DNAH9: variants seen among roughly 807,000 people sequenced by gnomAD.
DNAH9 encodes the protein dynein axonemal heavy chain 9.
A neutral mutation model predicts 471.6 loss-of-function variants in DNAH9; 345 were observed. The observed-to-expected ratio is 0.73, with a 90% CI of 0.67 to 0.80. DNAH9 has a LOEUF of 0.80. Among genes scored for constraint, DNAH9 ranks in the 30% least tolerant of loss-of-function variants. The pLI is 0.00. For missense variants in DNAH9, 5,407 were observed against 5,609.2 expected (o/e 0.96, Z 1.15); for synonymous variants, 2,093 against 2,123.6 (o/e 0.99, Z 0.40).
At chr17:11,803,197 T>C (rs765098243) in intron 43 of DNAH9, among the ~76,000 whole-genome samples, 3 of 152,242 alleles carry the variant, frequency 2.0e-5, no homozygotes, top group Non-Finnish European at 4.4e-5. Flanking sequence ...TTCTTCAAGC[T>C]TTAAACCAGA....
intron 50 of DNAH9, among the ~76,000 whole-genome samples, chr17:11,868,015 C>G (rs915558264): frequency 1.3e-5 from 2 of 152,194 alleles, no homozygotes; most frequent in African/African-American, 2.4e-5. Flanking sequence ...TGAACAACAG[C>G]TAACTCTAAG....
At chr17:11,740,040 T>C (rs1241966005) in intron 29 of DNAH9, among the ~76,000 whole-genome samples, 1 of 152,190 alleles carries the variant, frequency 6.6e-6, no homozygotes, top group Non-Finnish European at 1.5e-5. Flanking sequence ...CAAATTCCCG[T>C]GTCGCTGGGG....
chr17:11,743,425 T>TGC, intron 30 of DNAH9, among the ~76,000 whole-genome samples: 1 of 152,350 alleles, frequency 6.6e-6, no homozygotes, highest in Non-Finnish European at 1.5e-5. Context: ...TCTCTTCTAA[T>TGC]TCCTCAGATC....
At chr17:11,729,156 G>A (rs1275427013) in intron 28 of DNAH9, among the ~76,000 whole-genome samples, 1 of 152,150 alleles carries the variant, frequency 6.6e-6, no homozygotes, top group East Asian at 1.9e-4. Context: ...GAAAACTGGT[G>A]GCTGAGGGCA....
At chr17:11,919,950 A>C (rs1214520081) in intron 61 of DNAH9, among the ~76,000 whole-genome samples, 1 of 152,196 alleles carries the variant, frequency 6.6e-6, no homozygotes, top group Non-Finnish European at 1.5e-5. Context: ...CATGTTTCAG[A>C]CACAGGACAG....
chr17:11,767,284 T>C (rs1967992513), intron 36 of DNAH9, among the ~76,000 whole-genome samples: 1 of 152,170 alleles, frequency 6.6e-6, no homozygotes, highest in Admixed American at 6.5e-5. Context: ...AAGCGTATTA[T>C]CTAGGAGTTA....
intron 41 of DNAH9, among the ~76,000 whole-genome samples, chr17:11,787,421 G>C (rs151230839): frequency 6.6e-6 from 1 of 152,296 alleles, no homozygotes; most frequent in African/African-American, 2.4e-5. Context: ...AGCACATCAG[G>C]AGGCAGCTTT....
intron 59 of DNAH9, among the ~76,000 whole-genome samples, chr17:11,896,330 C>A (rs2151007931): frequency 6.6e-6 from 1 of 152,238 alleles, no homozygotes; most frequent in South Asian, 2.1e-4. Flanking sequence ...CTTTGTAGGC[C>A]AGACTCTGTA....
chr17:11,719,424 G>T lies in DNAH9; in HGVS notation c.5643G>T (p.Lys1881Asn). Residue 1881 changes from lysine to asparagine, a missense_variant, in exon 27 of 69, where the codon AAG (lysine) becomes AAT (asparagine). Lys to Asn is a moderately conservative substitution (Grantham distance 94). Transcript: ENST00000262442. The stretch of plus-strand genomic sequence containing the variant: ...GCACAGGCAAGACCGAGACCACCAA[G>T]GACCTGGGCCGCGCACTGGGCATCC... ...PAGTGKTETT[K>N]DLGRALGILV... is the part of the protein sequence containing the mutation. 6.2e-7 allele frequency: 1 copy of T among 1,613,992 alleles called. No individual in the cohort carries two copies.
At chr17:11,638,606 C>T (rs761691270) in intron 9 of DNAH9, among the ~76,000 whole-genome samples, 2 of 152,040 alleles carry the variant, frequency 1.3e-5, no homozygotes, top group Non-Finnish European at 2.9e-5. Context: ...AGGCTGATCT[C>T]GAACTCTCGA....
chr17:11,895,420 A>G (rs1412847659), intron 59 of DNAH9, among the ~76,000 whole-genome samples: 1 of 152,250 alleles, frequency 6.6e-6, no homozygotes, highest in Non-Finnish European at 1.5e-5. Context: ...GATGTTTAGT[A>G]GCACAAAGAA....
intron 35 of DNAH9, among the ~76,000 whole-genome samples, chr17:11,762,777 T>TGTTTTTTTG (rs1555584686): frequency 8.8e-6 from 1 of 113,060 alleles, no homozygotes; most frequent in Admixed American, 9.0e-5. Flanking sequence ...TTTGTTTTTT[T>TGTTTTTTTG]TTTTTTTTTT....
chr17:11,927,167 G>A (rs1052022914), intron 62 of DNAH9, among the ~76,000 whole-genome samples: 10 of 152,172 alleles, frequency 6.6e-5, no homozygotes, highest in Non-Finnish European at 1.2e-4. Flanking sequence ...TTAGACTTGT[G>A]TCAGGTCTAA....
chr17:11,786,892 G>T (rs751723450), intron 41 of DNAH9, among the ~76,000 whole-genome samples: 1 of 152,116 alleles, frequency 6.6e-6, no homozygotes, highest in Non-Finnish European at 1.5e-5. Flanking sequence ...CCAGCCAGGC[G>T]TCTTTGCAGC....
chr17:11,652,716 C>T (rs763728501), intron 13 of DNAH9, 45 bp from the exon 14 acceptor site: 2 of 1,593,382 alleles, frequency 1.3e-6, no homozygotes, highest in Non-Finnish European at 1.7e-6. Flanking sequence ...TTTAGCTATG[C>T]CACTGCAGGC....
chr17:11,811,755 G>A lies in DNAH9; in HGVS notation c.8707+1386G>A, dbSNP rs752840946. Reference sequence around the variant, plus strand: ...AATAATCTGGCAATAAGCATCTTCCGTCAAAGGTATATTGTTCCTGGACAC... The same window carrying A: ...AATAATCTGGCAATAAGCATCTTCCATCAAAGGTATATTGTTCCTGGACAC... On this transcript the variant is annotated intron_variant, in intron 45 of 68. Coordinates refer to ENST00000262442, the MANE Select transcript of DNAH9 (RefSeq NM_001372.4). Among the ~76,000 whole-genome samples the A allele has an allele frequency of 5.9e-5, 9 of 151,816 alleles. 1 individual carries two copies. The East Asian group carries it at 1.4e-3, about 23-fold the overall frequency.
rs183830979 is a variant in DNAH9 at position 11,940,476 on chromosome 17, A to G, written c.12661-1827A>G. On this transcript the variant is annotated intron_variant, in intron 66 of 68. Transcript: ENST00000262442. ...AACTCTGCTCCAGAGAAAAATATAT[A>G]TATAATTTTAGCCATTTGTCTTCTA... 2.0e-4 allele frequency among the ~76,000 whole-genome samples: 30 copies of G among 152,318 alleles called. 2 individuals are homozygous for G. Among genetic ancestry groups the G allele is most frequent in the Admixed American group, 9.8e-4 (15 of 15,290 alleles).
chr17:11,739,510 G>A (rs921816466), intron 29 of DNAH9, among the ~76,000 whole-genome samples: 13 of 151,730 alleles, frequency 8.6e-5, no homozygotes, highest in South Asian at 2.1e-4. Context: ...TTTTTTTTCC[G>A]TATGTATGAT....
At chr17:11,671,953 G>A (rs770674191) in intron 17 of DNAH9, among the ~76,000 whole-genome samples, 38 of 152,138 alleles carry the variant, frequency 2.5e-4, no homozygotes, top group Admixed American at 8.5e-4. Context: ...GGTGTCTTCC[G>A]TCTTCTAGCT....
Sources: gnomAD v4.1 joint callset for allele counts (sites outside exome capture counted in the v4.1 genomes callset) on GRCh38, gnomAD v4.1.1 for gene constraint, MANE v1.5 for transcripts, NCBI Gene and HGNC (gene_info 2026-07-23, HGNC 2026-07-21) for gene names.